PAQR5: variants seen among roughly 807,000 people sequenced by gnomAD.
PAQR5 encodes progestin and adipoQ receptor family member 5, also known as membrane progestin receptor gamma.
A neutral mutation model predicts 34.5 loss-of-function variants in PAQR5; 20 were observed. That is an observed-to-expected ratio of 0.58 (90% CI 0.41 to 0.84). The LOEUF is 0.84. PAQR5 is among the 40% of genes least tolerant of loss of function. The pLI is 0.00. For synonymous variants in PAQR5, 131 were observed against 155.6 expected (o/e 0.84, Z 1.18); for missense variants, 378 against 412.7 (o/e 0.92, Z 0.73).
Position 69,319,189 on chromosome 15 carries a change from A to ACATATATATATT in PAQR5, c.-276-18152_-276-18151insCATATATATATT, listed in dbSNP as rs1566995855. ...TATATATATATATATATATATATAT[A>ACATATATATATT]TATATATATATATATATATATATGA... On this transcript the variant is annotated intron_variant, in intron 1 of 8. Coordinates refer to ENST00000395407, the MANE Select transcript of PAQR5 (RefSeq NM_017705.4). Among the ~76,000 whole-genome samples the ACATATATATATT allele has an allele frequency of 5.7e-4, 5 of 8,826 alleles. No individual in the cohort carries two copies. In the South Asian group the frequency reaches 0.053, roughly 93 times the overall value. The allele number at this position is 8,826 out of a possible 152,430, so 5.8% of individuals were successfully genotyped here.
chr15:69,323,548 T>C (rs1412885126), intron 1 of PAQR5, among the ~76,000 whole-genome samples: 1 of 152,186 alleles, frequency 6.6e-6, no homozygotes, highest in East Asian at 1.9e-4. Flanking sequence ...TGCCAGCATT[T>C]GCAACCCATG....
intron 8 of PAQR5, among the ~76,000 whole-genome samples, chr15:69,402,906 C>T (rs1309290048): frequency 1.3e-5 from 2 of 152,262 alleles, no homozygotes; most frequent in Non-Finnish European, 2.9e-5. Flanking sequence ...GTCACTCCCA[C>T]TACCCTCTAC....
intron 2 of PAQR5, among the ~76,000 whole-genome samples, chr15:69,345,615 C>G (rs1004070063): frequency 4.6e-5 from 7 of 152,134 alleles, no homozygotes; most frequent in African/African-American, 1.7e-4. Flanking sequence ...GTTTTGTTTT[C>G]TTTTTTAAGG....
intron 2 of PAQR5, among the ~76,000 whole-genome samples, chr15:69,349,016 G>T (rs1489790811): frequency 6.6e-6 from 1 of 152,168 alleles, no homozygotes; most frequent in Non-Finnish European, 1.5e-5. Context: ...ATGATGTGGG[G>T]AGCACTCTAC....
intron 5 of PAQR5, among the ~76,000 whole-genome samples, chr15:69,388,156 G>A (rs1224756220): frequency 6.6e-6 from 1 of 152,100 alleles, no homozygotes; most frequent in Non-Finnish European, 1.5e-5. Flanking sequence ...CCCTGTCAAA[G>A]CCCTCAATCC....
chr15:69,384,750 C>T lies in PAQR5; in HGVS notation c.253C>T (p.Leu85Phe). 2 of 1,613,876 alleles carry T rather than the reference C, an allele frequency of 1.2e-6. No individual in the cohort carries two copies. The highest frequency in any genetic ancestry group is 1.1e-5 in the South Asian group (1 of 91,076). ...GAATGACAGCTACTCCTGGCCCATG[C>T]TTGTGTACATGTGCACCAGCTGCGT... Reference protein sequence around the residue: ...IKNDSYSWPMLVYMCTSCVYP... With the variant: ...IKNDSYSWPMFVYMCTSCVYP... Residue 85 changes from leucine (L) to phenylalanine (F), a missense_variant, in exon 5 of 9, where the codon CTT (leucine) becomes TTT (phenylalanine). Transcript: ENST00000395407.
chr15:69,407,431 C>G lies in PAQR5; in HGVS notation c.*3609C>G, dbSNP rs1504626. On this transcript the variant is annotated 3_prime_UTR_variant, in exon 9 of 9. Transcript: ENST00000395407. ...GGCATGAGCCACACTGCACCCAGTCCATGCTACCCTTTTTATATGAAACAC... is the reference window on the plus strand; with the variant it reads ...GGCATGAGCCACACTGCACCCAGTCGATGCTACCCTTTTTATATGAAACAC... 128,450 of 152,218 alleles carry G rather than the reference C, an allele frequency of 0.84. 56,146 individuals are homozygous for G. The highest frequency in any genetic ancestry group is 0.97 in the Non-Finnish European group (66,103 of 68,042). 9.4% of individuals were successfully genotyped at this position (152,218 alleles called of 1,614,324 possible).
Position 69,403,960 on chromosome 15 carries a change from A to G in PAQR5, c.*138A>G. 1.1e-6 allele frequency: 1 copy of G among 908,606 alleles called. No homozygotes were observed. Among genetic ancestry groups the G allele is most frequent in the Non-Finnish European group, 1.7e-6 (1 of 605,588 alleles). The allele number at this position is 908,606 out of a possible 1,614,324, so 56.3% of individuals were successfully genotyped here. ...GTGTCTTTTGAATGAATTCATGTCA[A>G]AAATGTTATTCAGCTGGGGAAATTT... On this transcript the variant is annotated 3_prime_UTR_variant, in exon 9 of 9. Coordinates refer to ENST00000395407, the MANE Select transcript of PAQR5 (RefSeq NM_017705.4).
intron 4 of PAQR5, among the ~76,000 whole-genome samples, chr15:69,382,659 CATATATATATATATATATATATATAT>C (rs59064870): frequency 8.8e-5 from 8 of 91,252 alleles, no homozygotes; most frequent in African/African-American, 3.4e-4. Context: ...AAAAAAAAAG[CATATATATATATATATATATATATAT>C]ATATATATAT....
intron 6 of PAQR5, 32 bp downstream of exon 6, chr15:69,389,812 G>A (rs760806621): frequency 1.9e-6 from 3 of 1,611,204 alleles, no homozygotes; most frequent in Admixed American, 3.3e-5. Flanking sequence ...GATGGGAGGG[G>A]AGGGAGGGTC....
At chr15:69,371,144 C>T (rs1369174069) in intron 3 of PAQR5, among the ~76,000 whole-genome samples, 1 of 151,762 alleles carries the variant, frequency 6.6e-6, no homozygotes, top group Non-Finnish European at 1.5e-5. Flanking sequence ...CATTGTAGTT[C>T]TTAGTTTTGT....
chr15:69,312,548 G>C (rs977588660), intron 1 of PAQR5, among the ~76,000 whole-genome samples: 1 of 151,252 alleles, frequency 6.6e-6, no homozygotes. Context: ...TCACAGCAGC[G>C]GGGGAACTTC....
At chr15:69,333,448 G>A (rs2140682927) in intron 1 of PAQR5, among the ~76,000 whole-genome samples, 1 of 152,264 alleles carries the variant, frequency 6.6e-6, no homozygotes, top group South Asian at 2.1e-4. Context: ...AGTAGTTGTG[G>A]AGGGATACTT....
intron 3 of PAQR5, among the ~76,000 whole-genome samples, chr15:69,372,542 CAAACA>C (rs974196533): frequency 6.6e-6 from 1 of 152,058 alleles, no homozygotes; most frequent in Non-Finnish European, 1.5e-5. Context: ...GACTCTGTCT[CAAACA>C]AAACAAAACA....
At chr15:69,381,113 G>A (rs932483235) in intron 4 of PAQR5, among the ~76,000 whole-genome samples, 2 of 152,236 alleles carry the variant, frequency 1.3e-5, no homozygotes, top group Non-Finnish European at 2.9e-5. Context: ...CTGGGCAGGG[G>A]TGGCAGCACA....
chr15:69,303,583 A>G (rs1218538119), intron 1 of PAQR5, among the ~76,000 whole-genome samples: 1 of 111,032 alleles, frequency 9.0e-6, no homozygotes, highest in Non-Finnish European at 2.3e-5. Context: ...AGCACATCCA[A>G]TCAATCAATC....
intron 1 of PAQR5, among the ~76,000 whole-genome samples, chr15:69,328,067 C>T (rs1446598052): frequency 6.6e-6 from 1 of 152,146 alleles, no homozygotes; most frequent in Non-Finnish European, 1.5e-5. Context: ...AGGTGTGAGC[C>T]ACCACACCCA....
At chr15:69,360,762 C>A (rs1342495581) in intron 3 of PAQR5, among the ~76,000 whole-genome samples, 1 of 152,194 alleles carries the variant, frequency 6.6e-6, no homozygotes, top group Non-Finnish European at 1.5e-5. Context: ...TTGTGTTGCA[C>A]CCCTTTGTTG....
chr15:69,345,755 A>G (rs1203613673), intron 2 of PAQR5, among the ~76,000 whole-genome samples: 1 of 152,186 alleles, frequency 6.6e-6, no homozygotes, highest in Non-Finnish European at 1.5e-5. Context: ...GAAATCTTAC[A>G]TTCAGGATCT....
Sources: allele counts gnomAD v4.1 joint callset (sites outside exome capture counted in the v4.1 genomes callset), GRCh38; gene constraint gnomAD v4.1.1; transcripts MANE v1.5; gene names NCBI Gene and HGNC (gene_info 2026-07-23, HGNC 2026-07-21).